Variants in MCCC2 observed in about 807,000 individuals in gnomAD.
MCCC2 encodes methylcrotonyl-CoA carboxylase subunit 2, also known as methylcrotonoyl-CoA carboxylase beta chain, mitochondrial.
A neutral mutation model predicts 77.2 loss-of-function variants in MCCC2; 52 were observed. The observed-to-expected ratio is 0.67, with a 90% CI of 0.54 to 0.85. MCCC2 has a LOEUF of 0.85. MCCC2 is among the 40% of genes least tolerant of loss of function. MCCC2 has a pLI of 0.00. For missense variants in MCCC2, 682 were observed against 703.2 expected (o/e 0.97, Z 0.34); for synonymous variants, 253 against 248.4 (o/e 1.02, Z -0.18).
chr5:71,639,594 T>C (rs768359420), intron 10 of MCCC2, among the ~76,000 whole-genome samples: 11 of 152,232 alleles, frequency 7.2e-5, no homozygotes, highest in Non-Finnish European at 1.5e-4. Flanking sequence ...CTGTTTTTGC[T>C]TTCTCGACAT....
rs1746663015 is a variant in MCCC2, at chr5:71,630,243, G to A, written c.739-1878G>A. Reference sequence around the variant, plus strand: ...AAGGGCTTTGAAGGGTTTGCACGTAGTGTGGGGTGTAGTGCTGTAGCTTTT... The same window carrying A: ...AAGGGCTTTGAAGGGTTTGCACGTAATGTGGGGTGTAGTGCTGTAGCTTTT... On this transcript the variant is annotated intron_variant, in intron 7 of 16. Transcript: ENST00000340941. 2.0e-5 allele frequency among the ~76,000 whole-genome samples: 3 copies of A among 152,200 alleles called. No individual in the cohort carries two copies. In the South Asian group the frequency reaches 6.2e-4, roughly 32 times the overall value.
rs190213316 is a variant in MCCC2 at position 71,614,020 on chromosome 5, C to T, written c.624+9552C>T. ...TATATATGGTTCATATTATGTATAA[C>T]GTATATAATACACACACACACACAC... On this transcript the variant is annotated intron_variant, in intron 6 of 16. Transcript: ENST00000340941. Among the ~76,000 whole-genome samples the T allele has an allele frequency of 4.6e-4, 28 of 61,244 alleles. No individual in the cohort carries two copies. The East Asian group carries it at 6.6e-3, about 14-fold the overall frequency. The allele number at this position is 61,244 out of a possible 152,430, so 40.2% of individuals were successfully genotyped here. A position where few individuals can be genotyped will look rare whatever the true frequency, so the allele number is the denominator to read the frequency against.
chr5:71,588,783 A>G (rs1561814508), intron 1 of MCCC2, among the ~76,000 whole-genome samples: 1 of 152,202 alleles, frequency 6.6e-6, no homozygotes, highest in Non-Finnish European at 1.5e-5. Flanking sequence ...GTACTGAGTT[A>G]TGAAAGTGTA....
At chr5:71,646,641 C>G (rs1747282349) in intron 13 of MCCC2, among the ~76,000 whole-genome samples, 1 of 152,158 alleles carries the variant, frequency 6.6e-6, no homozygotes, top group South Asian at 2.1e-4. Context: ...GCTGATACTA[C>G]AGACATGAGC....
rs111369925 is a variant in MCCC2, at chr5:71,643,946, C to A, written c.1149+51C>A. 567 of 1,602,240 alleles carry A rather than the reference C, an allele frequency of 3.5e-4. 2 individuals carry two copies. The African/African-American group carries it at 5.7e-3, about 16-fold the overall frequency. ...GATTTTCTGTTTTAATTTAACATAA[C>A]GTTGAAGGTCAAATAATGAGTTAAA... is the stretch of plus-strand genomic sequence containing the variant. On this transcript the variant is annotated intron_variant, in intron 12 of 16. Transcript: ENST00000340941.
chr5:71,641,498 G>T, intron 11 of MCCC2: 2 of 231,452 alleles, frequency 8.6e-6, no homozygotes, highest in Non-Finnish European at 1.7e-5. Context: ...GAAGGATATA[G>T]AGTGAGTTAA....
At chr5:71,632,367 A>T (rs561153678) in intron 8 of MCCC2, among the ~76,000 whole-genome samples, 182 bp downstream of exon 8, 1 of 152,310 alleles carries the variant, frequency 6.6e-6, no homozygotes, top group African/African-American at 2.4e-5. Context: ...TCCAAGCTAG[A>T]GCATCAGCCA....
chr5:71,599,821 G>A (rs948831596), intron 4 of MCCC2, 61 bp downstream of exon 4: 9 of 1,282,796 alleles, frequency 7.0e-6, no homozygotes, highest in Non-Finnish European at 9.1e-6. Context: ...TGAGGCACAG[G>A]CATCCAGCAC....
intron 8 of MCCC2, among the ~76,000 whole-genome samples, chr5:71,634,590 G>T (rs1356701382): frequency 6.6e-6 from 1 of 152,196 alleles, no homozygotes; most frequent in Non-Finnish European, 1.5e-5. Context: ...CGGTACAGGG[G>T]ATGAGTACTT....
At chr5:71,614,826 A>G (rs182529076) in intron 6 of MCCC2, among the ~76,000 whole-genome samples, 6 of 151,878 alleles carry the variant, frequency 4.0e-5, no homozygotes, top group African/African-American at 1.5e-4. Context: ...TTATCTGCTT[A>G]TTTTTCTTCT....
At position 71,649,127 on chromosome 5, in the gene MCCC2, A is replaced by C. The variant is rs767177614; in HGVS notation, c.1247A>C (p.Glu416Ala). The change falls in exon 14 of 17, where the codon GAA (glutamate) becomes GCA (alanine). Residue 416 changes from glutamate (E) to alanine (A), a missense_variant. Coordinates refer to ENST00000340941, the MANE Select transcript of MCCC2 (RefSeq NM_022132.5). ...GFMVGREYEA[E>A]GIAKDGAKMV... ...ATGGTTGGTAGAGAGTATGAAGCTG[A>C]AGGAATTGCCAAGGATGGTGCCAAG... The C allele has an allele frequency of 5.0e-6, 8 of 1,614,234 alleles. No individual in the cohort carries two copies. The highest frequency in any genetic ancestry group is 5.9e-6 in the Non-Finnish European group (7 of 1,180,036).
intron 6 of MCCC2, among the ~76,000 whole-genome samples, chr5:71,617,989 A>G (rs1746222699): frequency 6.6e-6 from 1 of 152,016 alleles, no homozygotes; most frequent in South Asian, 2.1e-4. Flanking sequence ...TCTTTCCTTC[A>G]TGGCAGATTT....
rs1747603883 is a variant in MCCC2 at position 71,657,165 on chromosome 5, T to C, written c.*305T>C. The C allele has an allele frequency of 2.9e-6, 1 of 347,898 alleles. No individual in the cohort carries two copies. Among genetic ancestry groups the C allele is most frequent in the African/African-American group, 2.1e-5 (1 of 47,502 alleles). The allele number at this position is 347,898 out of a possible 1,614,324, so 21.6% of individuals were successfully genotyped here. A position where few individuals can be genotyped will look rare whatever the true frequency, so the allele number is the denominator to read the frequency against. ...GTTCTGTAATCTGTAAACTCAGTTCTGTAATCTGTATTATTGAGATGATTA... is the reference window on the plus strand; with the variant it reads ...GTTCTGTAATCTGTAAACTCAGTTCCGTAATCTGTATTATTGAGATGATTA... On this transcript the variant is annotated 3_prime_UTR_variant, in exon 17 of 17. Coordinates refer to ENST00000340941, the MANE Select transcript of MCCC2 (RefSeq NM_022132.5).
chr5:71,617,092 G>A lies in MCCC2; in HGVS notation c.625-9548G>A, dbSNP rs568834454. 2.6e-5 allele frequency among the ~76,000 whole-genome samples: 4 copies of A among 152,298 alleles called. No individual in the cohort carries two copies. The East Asian group carries it at 5.8e-4, about 22-fold the overall frequency. On this transcript the variant is annotated intron_variant, in intron 6 of 16. Transcript: ENST00000340941. The stretch of plus-strand genomic sequence containing the variant: ...CCGATACTTAAGCCCCCGTGTGATC[G>A]GATTTCAACCTAACTTTCTAGCCTT...
chr5:71,628,754 A>G (rs1482334636), intron 7 of MCCC2, among the ~76,000 whole-genome samples: 1 of 152,250 alleles, frequency 6.6e-6, no homozygotes, highest in Non-Finnish European at 1.5e-5. Flanking sequence ...GTTAAGAGAA[A>G]GCAGCAAGAT....
chr5:71,651,187 T>G (rs142702405), intron 15 of MCCC2, among the ~76,000 whole-genome samples: 3 of 152,346 alleles, frequency 2.0e-5, no homozygotes, highest in Non-Finnish European at 4.4e-5. Context: ...CTACTTTGAT[T>G]TTATGACCAA....
intron 7 of MCCC2, among the ~76,000 whole-genome samples, chr5:71,631,538 CTTTTTTTT>C (rs544704315): frequency 7.8e-6 from 1 of 128,322 alleles, no homozygotes. Flanking sequence ...GGTCTTTCTT[CTTTTTTTT>C]TTTTTTTTTT....
intron 6 of MCCC2, 106 bp downstream of exon 6, chr5:71,604,574 A>T: frequency 1.2e-6 from 1 of 865,798 alleles, no homozygotes; most frequent in Non-Finnish European, 1.8e-6. Flanking sequence ...TTTAACACAA[A>T]ATCTAATCTT....
chr5:71,656,672 T>C (rs1253806744), intron 16 of MCCC2, 71 bp from the exon 17 acceptor site: 1 of 1,194,728 alleles, frequency 8.4e-7, no homozygotes, highest in Admixed American at 1.7e-5. Context: ...CCTTGGCATT[T>C]CTGCACATGG....
Sources: allele counts gnomAD v4.1 joint callset (sites outside exome capture counted in the v4.1 genomes callset), GRCh38; gene constraint gnomAD v4.1.1; transcripts MANE v1.5; gene names NCBI Gene and HGNC (gene_info 2026-07-23, HGNC 2026-07-21).